The following PRELID2 variants were observed in gnomAD, a reference collection of about 807,000 sequenced individuals.
The protein encoded by PRELID2 is PRELI domain containing 2.
A neutral mutation model predicts 28.4 loss-of-function variants in PRELID2; 25 were observed. The observed-to-expected ratio is 0.88, with a 90% CI of 0.64 to 1.23. The LOEUF (loss-of-function observed/expected upper bound fraction) is 1.23. Among genes scored for constraint, PRELID2 ranks in the 50% most tolerant of loss-of-function variants. The probability of loss-of-function intolerance (pLI) is 0.00; values close to 1 mark genes in which losing one functional copy is unlikely to be tolerated. For synonymous variants in PRELID2, 76 were observed against 71.6 expected (o/e 1.06, Z -0.31); for missense variants, 201 against 214.4 (o/e 0.94, Z 0.39).
At chr5:145,306,610 T>C in the PRELID2 span, among the ~76,000 whole-genome samples, 25,998 of 152,008 alleles carry the variant, frequency 0.17, 3,776 homozygotes, top group African/African-American at 0.4. Flanking sequence ...TGGATTCTTG[T>C]ACAGTTGAGT....
chr5:145,408,132 G>GA, the PRELID2 span, among the ~76,000 whole-genome samples: 106 of 150,788 alleles, frequency 7.0e-4, no homozygotes, highest in Admixed American at 1.4e-3. Flanking sequence ...CCCCATGGCA[G>GA]AAAAAAAAAT....
chr5:145,276,503 G>A, the PRELID2 span, among the ~76,000 whole-genome samples: 35 of 152,104 alleles, frequency 2.3e-4, no homozygotes, highest in African/African-American at 7.9e-4. Context: ...AATCACTAGC[G>A]CCAACAAAAT....
the PRELID2 span, among the ~76,000 whole-genome samples, chr5:145,368,531 C>T: frequency 6.6e-6 from 1 of 151,894 alleles, no homozygotes; most frequent in Non-Finnish European, 1.5e-5. Flanking sequence ...TGAACTTTCT[C>T]CTCTCCCTAA....
At chr5:145,401,502 C>T in the PRELID2 span, among the ~76,000 whole-genome samples, 1 of 152,082 alleles carries the variant, frequency 6.6e-6, no homozygotes, top group African/African-American at 2.4e-5. Context: ...GCATTAGATC[C>T]TTATAACAGC....
At chr5:145,546,814 A>C (rs1157284338) in intron 1 of PRELID2, among the ~76,000 whole-genome samples, 1 of 152,178 alleles carries the variant, frequency 6.6e-6, no homozygotes, top group East Asian at 1.9e-4. Flanking sequence ...TAATTTAGAC[A>C]AGATGGACCC....
chr5:145,483,945 T>C (rs1467697933), intron 1 of PRELID2, among the ~76,000 whole-genome samples: 1 of 152,250 alleles, frequency 6.6e-6, no homozygotes, highest in African/African-American at 2.4e-5. Context: ...ACCTGACATA[T>C]AATAACTCTT....
At chr5:145,579,165 CA>C (rs1753086677) in intron 1 of PRELID2, among the ~76,000 whole-genome samples, 1 of 152,134 alleles carries the variant, frequency 6.6e-6, no homozygotes, top group Non-Finnish European at 1.5e-5. Context: ...CACTTGGGAA[CA>C]TTATGAAGAG....
chr5:145,231,653 A>G, the PRELID2 span, among the ~76,000 whole-genome samples: 1 of 152,136 alleles, frequency 6.6e-6, no homozygotes, highest in Non-Finnish European at 1.5e-5. Context: ...TTGGACAGTC[A>G]ACCTCTGAAT....
At chr5:145,519,821 A>T (rs1381048881) in intron 1 of PRELID2, among the ~76,000 whole-genome samples, 1 of 152,250 alleles carries the variant, frequency 6.6e-6, no homozygotes, top group African/African-American at 2.4e-5. Context: ...ATTACAAAAA[A>T]ATTAAATAAA....
chr5:145,259,492 G>T, the PRELID2 span, among the ~76,000 whole-genome samples: 2 of 152,208 alleles, frequency 1.3e-5, no homozygotes, highest in African/African-American at 4.8e-5. Context: ...CTGGATGTGG[G>T]ATATGATGCC....
At chr5:145,393,687 C>G in the PRELID2 span, among the ~76,000 whole-genome samples, 11 of 152,198 alleles carry the variant, frequency 7.2e-5, no homozygotes. Flanking sequence ...GATTCAACTA[C>G]TTACACAAAG....
intron 3 of PRELID2, among the ~76,000 whole-genome samples, chr5:145,819,077 T>G (rs1754575618): frequency 6.6e-6 from 1 of 152,234 alleles, no homozygotes; most frequent in Non-Finnish European, 1.5e-5. Flanking sequence ...GTAACATGTA[T>G]CTGGGCTCCT....
the PRELID2 span, among the ~76,000 whole-genome samples, chr5:145,452,838 G>A: frequency 6.6e-6 from 1 of 152,064 alleles, no homozygotes; most frequent in Non-Finnish European, 1.5e-5. Context: ...ATCATTTCTG[G>A]GGCAAACACA....
At chr5:145,370,065 G>A in the PRELID2 span, among the ~76,000 whole-genome samples, 1 of 151,922 alleles carries the variant, frequency 6.6e-6, no homozygotes, top group Non-Finnish European at 1.5e-5. Context: ...CTCCCATTCA[G>A]TAGTTGTCTG....
chr5:145,763,037 C>A (rs1047595227), intron 6 of PRELID2, among the ~76,000 whole-genome samples: 6 of 152,172 alleles, frequency 3.9e-5, no homozygotes, highest in Admixed American at 6.5e-5. Flanking sequence ...GGGAGTGGGG[C>A]CCACCAATCT....
intron 5 of PRELID2, among the ~76,000 whole-genome samples, chr5:145,791,495 T>C (rs1752391824): frequency 6.6e-6 from 1 of 152,028 alleles, no homozygotes; most frequent in African/African-American, 2.4e-5. Context: ...ACTGTATGAG[T>C]CCACTTATAT....
chr5:145,766,960 A>G (rs1475295223), intron 5 of PRELID2, among the ~76,000 whole-genome samples: 2 of 152,140 alleles, frequency 1.3e-5, no homozygotes, highest in African/African-American at 2.4e-5. Context: ...GTATGTGTGT[A>G]ACATACTTCA....
At chr5:145,448,715 G>A in the PRELID2 span, among the ~76,000 whole-genome samples, 1 of 152,072 alleles carries the variant, frequency 6.6e-6, no homozygotes, top group African/African-American at 2.4e-5. Context: ...GTGACCTGAG[G>A]CCACCACTCT....
At chr5:145,817,080 T>C (rs534875897) in intron 4 of PRELID2, among the ~76,000 whole-genome samples, 3 of 150,374 alleles carry the variant, frequency 2.0e-5, no homozygotes. Flanking sequence ...AGTCCCTGCT[T>C]CTCAGGAGGC....
Sources: gnomAD v4.1 joint callset for allele counts (sites outside exome capture counted in the v4.1 genomes callset) on GRCh38, gnomAD v4.1.1 for gene constraint, MANE v1.5 for transcripts, NCBI Gene and HGNC (gene_info 2026-07-23, HGNC 2026-07-21) for gene names.